Variants in SYNPR observed in about 807,000 individuals in gnomAD.
The protein encoded by SYNPR is synaptoporin.
Under a neutral mutation model 32.9 loss-of-function variants are expected in SYNPR, and 23 were observed. The observed-to-expected ratio is 0.70, with a 90% CI of 0.50 to 0.99. SYNPR has a LOEUF of 0.99. SYNPR is among the 50% of genes least tolerant of loss of function. The pLI, the probability that SYNPR is intolerant of heterozygous loss-of-function variation, is 0.00. For synonymous variants in SYNPR, 146 were observed against 135.9 expected, an observed-to-expected ratio of 1.07 and a Z score of -0.52; for missense variants, 318 against 349.3, an observed-to-expected ratio of 0.91 and a Z score of 0.71.
At chr3:63,254,100 T>C (rs2086361797) in intron 2 of SYNPR, among the ~76,000 whole-genome samples, 2 of 151,910 alleles carry the variant, frequency 1.3e-5, no homozygotes, top group Admixed American at 6.6e-5. Flanking sequence ...TTCTCACTCA[T>C]AGGTGGGAAT....
At chr3:63,228,136 A>G (rs2086142636), upstream of SYNPR, among the ~76,000 whole-genome samples, 1 of 152,206 alleles carries the variant, frequency 6.6e-6, no homozygotes, top group Admixed American at 6.5e-5. Context: ...GAGGCCAACA[A>G]AGAAAAATTG....
intron 2 of SYNPR, among the ~76,000 whole-genome samples, chr3:63,380,311 A>G (rs1486712013): frequency 1.3e-5 from 2 of 152,184 alleles, no homozygotes; most frequent in Non-Finnish European, 2.9e-5. Flanking sequence ...CCAACAGTGT[A>G]AAAGTGTTCC....
chr3:63,296,114 G>T (rs17310722), intron 2 of SYNPR, among the ~76,000 whole-genome samples: 43,919 of 152,104 alleles, frequency 0.29, 7,544 homozygotes, highest in Non-Finnish European at 0.39. Context: ...AGTGATAAGA[G>T]GTGTGGCATA....
At chr3:63,554,071 G>A (rs1702553436) in intron 3 of SYNPR, among the ~76,000 whole-genome samples, 1 of 151,998 alleles carries the variant, frequency 6.6e-6, no homozygotes, top group South Asian at 2.1e-4. Flanking sequence ...TTTTTAGTGG[G>A]GGCTGTTCAT....
At chr3:63,309,740 A>G (rs896702164) in intron 2 of SYNPR, among the ~76,000 whole-genome samples, 3 of 151,888 alleles carry the variant, frequency 2.0e-5, no homozygotes, top group East Asian at 2.0e-4. Context: ...TCTCACATGC[A>G]TGTGCTGACC....
At chr3:63,366,881 A>C (rs565959369) in intron 2 of SYNPR, among the ~76,000 whole-genome samples, 1 of 152,356 alleles carries the variant, frequency 6.6e-6, no homozygotes, top group South Asian at 2.1e-4. Context: ...TGAAGATTAA[A>C]TGAGCAATAA....
chr3:63,403,443 C>CACACAT (rs2088319467), intron 2 of SYNPR, among the ~76,000 whole-genome samples: 1 of 122,750 alleles, frequency 8.1e-6, no homozygotes, highest in Non-Finnish European at 1.6e-5. Flanking sequence ...TATACACATA[C>CACACAT]ACACACACAC....
intron 2 of SYNPR, among the ~76,000 whole-genome samples, chr3:63,354,161 T>A (rs2087545516): frequency 6.6e-6 from 1 of 152,232 alleles, no homozygotes; most frequent in Non-Finnish European, 1.5e-5. Context: ...AAATGCTGCA[T>A]AACAAGCCAC....
intron 2 of SYNPR, among the ~76,000 whole-genome samples, chr3:63,415,429 T>A (rs2088527662): frequency 6.6e-6 from 1 of 152,188 alleles, no homozygotes; most frequent in South Asian, 2.1e-4. Context: ...TTTTTTTTTT[T>A]TTACGTTTTT....
intron 2 of SYNPR, among the ~76,000 whole-genome samples, chr3:63,344,523 T>C (rs979698090): frequency 2.6e-5 from 4 of 151,070 alleles, no homozygotes; most frequent in African/African-American, 9.7e-5. Context: ...AAAATCCCTG[T>C]GAGAAACAGG....
chr3:63,267,113 G>A (rs1287979773), intron 2 of SYNPR, among the ~76,000 whole-genome samples: 1 of 152,198 alleles, frequency 6.6e-6, no homozygotes, highest in Non-Finnish European at 1.5e-5. Context: ...GCATAAAAAT[G>A]GAGCTCAATG....
chr3:63,227,461 G>C (rs563894441), upstream of SYNPR, among the ~76,000 whole-genome samples: 1 of 152,166 alleles, frequency 6.6e-6, no homozygotes, highest in Non-Finnish European at 1.5e-5. Flanking sequence ...TACTGTTGGC[G>C]ATTTGAAACA....
At chr3:63,202,663 C>T in the SYNPR span, among the ~76,000 whole-genome samples, 1 of 152,030 alleles carries the variant, frequency 6.6e-6, no homozygotes, top group Admixed American at 6.6e-5. Flanking sequence ...ACAGGTAATC[C>T]CAACTATGTT....
At chr3:63,269,568 A>G (rs532268752) in intron 3 of SYNPR, among the ~76,000 whole-genome samples, 1 of 152,282 alleles carries the variant, frequency 6.6e-6, no homozygotes. Context: ...TAATGTGATT[A>G]TTGTTATTAG....
intron 2 of SYNPR, among the ~76,000 whole-genome samples, chr3:63,363,056 G>T (rs542367240): frequency 1.3e-5 from 2 of 152,278 alleles, no homozygotes; most frequent in African/African-American, 4.8e-5. Context: ...CTACATGGTA[G>T]CAAATAGTAC....
intron 2 of SYNPR, among the ~76,000 whole-genome samples, chr3:63,322,214 T>C (rs1291749415): frequency 1.3e-5 from 2 of 152,032 alleles, no homozygotes; most frequent in African/African-American, 4.8e-5. Context: ...TTTGCAACTT[T>C]TGTGATGAGC....
At chr3:63,489,314 T>G (rs773979175) in intron 3 of SYNPR, among the ~76,000 whole-genome samples, 32 of 152,180 alleles carry the variant, frequency 2.1e-4, no homozygotes, top group Non-Finnish European at 4.1e-4. Context: ...GGCCAAAAGC[T>G]GCTCCTGGGG....
chr3:63,244,303 T>C (rs890636787), intron 1 of SYNPR, among the ~76,000 whole-genome samples: 3 of 152,044 alleles, frequency 2.0e-5, no homozygotes, highest in Non-Finnish European at 2.9e-5. Flanking sequence ...CCCACTTCCA[T>C]TAGAGTCTTC....
At chr3:63,456,656 A>G (rs1283526982) in intron 2 of SYNPR, among the ~76,000 whole-genome samples, 1 of 151,822 alleles carries the variant, frequency 6.6e-6, no homozygotes, top group Non-Finnish European at 1.5e-5. Context: ...TGTAAACTTT[A>G]CTCCCAGGTG....
Sources: allele counts gnomAD v4.1 joint callset (sites outside exome capture counted in the v4.1 genomes callset), GRCh38; gene constraint gnomAD v4.1.1; transcripts MANE v1.5; gene names NCBI Gene and HGNC (gene_info 2026-07-23, HGNC 2026-07-21).